The following TRIM31 variants were observed in gnomAD, a reference collection of about 807,000 sequenced individuals.
TRIM31 encodes E3 ubiquitin-protein ligase TRIM31.
A neutral mutation model predicts 40.6 loss-of-function variants in TRIM31; 31 were observed. The observed-to-expected ratio is 0.76, with a 90% confidence interval of 0.57 to 1.03. The LOEUF is 1.03. TRIM31 is among the 50% of genes least tolerant of loss of function. The pLI is 0.00. For missense variants in TRIM31, 455 were observed against 497.5 expected, an observed-to-expected ratio of 0.91 and a Z score of 0.81; for synonymous variants, 164 against 193.9, an observed-to-expected ratio of 0.85 and a Z score of 1.28.
intron 5 of TRIM31, 49 bp downstream of exon 5, chr6:30,108,977 T>G: frequency 1.3e-6 from 2 of 1,593,570 alleles, no homozygotes; most frequent in Non-Finnish European, 1.7e-6. Context: ...CTGAGAATTG[T>G]GTGTGGATGA....
chr6:30,104,261 C>G, intron 7 of TRIM31, 94 bp from the exon 8 acceptor site: 2 of 1,283,812 alleles, frequency 1.6e-6, no homozygotes, highest in Non-Finnish European at 2.2e-6. Flanking sequence ...TCAATCAGAA[C>G]AGTCAATGGT....
intron 7 of TRIM31, 30 bp downstream of exon 7, chr6:30,105,138 A>C: frequency 1.3e-6 from 2 of 1,598,550 alleles, no homozygotes; most frequent in Non-Finnish European, 1.7e-6. Flanking sequence ...CCCAAATGGC[A>C]GAAGCAACCA....
Position 30,112,562 on chromosome 6 carries a change from G to C in TRIM31, c.244C>G (p.Gln82Glu), listed in dbSNP as rs778273573. Residue 82 changes from glutamine to glutamate, a missense_variant, in exon 2 of 9, where the codon CAA becomes GAA. By Grantham distance (29) the Gln-to-Glu change is conservative. Transcript: ENST00000376734. ...RNLVEKIQAL[Q>E]ASEVQSKRKE... ...CTTTTGGACTGCACCTCAGAGGCTT[G>C]TAGAGCTTGGATTTTCTCCACCAGA... The C allele has an allele frequency of 1.2e-6, 2 of 1,612,948 alleles. No homozygotes were observed. Among genetic ancestry groups the C allele is most frequent in the Admixed American group, 1.7e-5 (1 of 60,012 alleles).
At chr6:30,109,327 A>T (rs74295267) in intron 4 of TRIM31, among the ~76,000 whole-genome samples, 6,523 of 140,374 alleles carry the variant, frequency 0.046, 253 homozygotes, top group African/African-American at 0.1. Context: ...AGACTGAACA[A>T]GGGAGCCTGC....
chr6:30,111,570 T>G, intron 3 of TRIM31, 78 bp downstream of exon 3: 1 of 1,398,402 alleles, frequency 7.2e-7, no homozygotes, highest in Non-Finnish European at 1.0e-6. Flanking sequence ...TTCTGAGGGG[T>G]CAGTGTAATA....
Position 30,110,601 on chromosome 6 carries a change from ATTC to A in TRIM31, c.588_590del (p.Lys196del). ...GCCAGTAAATCCGTGATAGCAGGAA[ATTC>A]TTCTCCTCCTCTAGGACTTGATGCA... On this transcript the variant is annotated inframe_deletion, in exon 4 of 9. Coordinates refer to ENST00000376734, the MANE Select transcript of TRIM31 (RefSeq NM_007028.5). 7 of 1,614,188 alleles carry A rather than the reference ATTC, an allele frequency of 4.3e-6. No homozygotes were observed. Among genetic ancestry groups the A allele is most frequent in the Non-Finnish European group, 5.9e-6 (7 of 1,180,030 alleles).
In TRIM31 at chr6:30,105,153, TC is replaced by T. The variant is rs1477149933; in HGVS notation, c.958+14del. 1 of 1,609,478 alleles carries T rather than the reference TC, an allele frequency of 6.2e-7. No homozygotes were observed. The highest frequency in any genetic ancestry group is 1.3e-5 in the African/African-American group (1 of 74,798). On this transcript the variant is annotated intron_variant, in intron 7 of 8. Transcript: ENST00000376734. ...CCCAAATGGCAGAAGCAACCAACCA[TC>T]ATTTCTCACTTACAGCTCTTCATGT... is the stretch of plus-strand genomic sequence containing the variant.
chr6:30,105,731 A>G (rs907960686), intron 6 of TRIM31: 1 of 153,798 alleles, frequency 6.5e-6, no homozygotes, highest in Non-Finnish European at 1.4e-5. Flanking sequence ...AGTGCCTGTC[A>G]GCACATGTGG....
chr6:30,111,612 C>G (rs1270039813), intron 3 of TRIM31, 36 bp downstream of exon 3: 1 of 1,599,810 alleles, frequency 6.3e-7, no homozygotes, highest in Admixed American at 1.7e-5. Flanking sequence ...AGAGATGTTT[C>G]TGCTTCCAGA....
At chr6:30,106,484 T>A (rs747177255) in intron 6 of TRIM31, among the ~76,000 whole-genome samples, 50 of 152,132 alleles carry the variant, frequency 3.3e-4, no homozygotes, top group Non-Finnish European at 4.1e-4. Flanking sequence ...CTGTGGAGAT[T>A]GGACCTGTGG....
At position 30,112,466 on chromosome 6, in the gene TRIM31, A is replaced by C. The variant is rs1222753848; in HGVS notation, c.340T>G (p.Cys114Gly). 1.2e-6 allele frequency: 2 copies of C among 1,613,138 alleles called. No individual in the cohort carries two copies. Among genetic ancestry groups the C allele is most frequent in the South Asian group, 2.2e-5 (2 of 91,086 alleles). The change falls in exon 2 of 9, where the codon TGT becomes GGT. Residue 114 changes from cysteine to glycine, a missense_variant. Cys to Gly is a radical substitution (Grantham distance 159, BLOSUM62 -3). Coordinates refer to ENST00000376734, the MANE Select transcript of TRIM31 (RefSeq NM_007028.5). ...YFCEDDGKFL[C>G]FVCRESKDHK... ...TCCTTGGATTCACGACACACAAAACAGAGGAACTTCCCATCATCCTCGCAG... is the reference window on the plus strand; with the variant it reads ...TCCTTGGATTCACGACACACAAAACCGAGGAACTTCCCATCATCCTCGCAG...
intron 1 of TRIM31, 76 bp from the exon 2 acceptor site, chr6:30,112,964 G>A (rs2127396034): frequency 1.0e-5 from 6 of 578,406 alleles, no homozygotes; most frequent in African/African-American, 1.9e-5. Flanking sequence ...AGAGAGAGAG[G>A]AAAAGAAGAG....
chr6:30,110,412 G>T (rs1167651889), intron 4 of TRIM31, 36 bp downstream of exon 4: 27 of 1,601,194 alleles, frequency 1.7e-5, no homozygotes, highest in Non-Finnish European at 2.0e-5. Context: ...GGGATGGGCT[G>T]CTACCTCTCT....
In TRIM31 at chr6:30,110,354, G is replaced by T. The variant is rs115518750; in HGVS notation, c.744+94C>A. ...ACTGGGCTAGAGGTAGGATGGTTGGGGCAATCTCAGGTATTCTGCCAGTGG... is the reference window on the plus strand; with the variant it reads ...ACTGGGCTAGAGGTAGGATGGTTGGTGCAATCTCAGGTATTCTGCCAGTGG... On this transcript the variant is annotated intron_variant, in intron 4 of 8. Coordinates refer to ENST00000376734, the MANE Select transcript of TRIM31 (RefSeq NM_007028.5). The T allele has an allele frequency of 3.3e-3, 4,086 of 1,230,454 alleles. 46 individuals are homozygous for T. Among genetic ancestry groups the T allele is most frequent in the African/African-American group, 0.032 (2,184 of 67,580 alleles). 76.2% of individuals were successfully genotyped at this position (1,230,454 alleles called of 1,614,324 possible).
At chr6:30,108,871 T>A (rs936850889) in intron 5 of TRIM31, 155 bp downstream of exon 5, 1 of 793,352 alleles carries the variant, frequency 1.3e-6, no homozygotes, top group Non-Finnish European at 2.2e-6. Flanking sequence ...ATGGTTGGCA[T>A]AGGCATTCCC....
rs1769449967 is a variant in TRIM31, at chr6:30,112,512, G to C, written c.294C>G (p.His98Gln). The change falls in exon 2 of 9, where the codon CAC becomes CAG. Residue 98 changes from histidine to glutamine, a missense_variant. Physicochemically the swap from His to Gln is conservative, Grantham distance 24. Transcript: ENST00000376734. ...CGCAGAAATAGTGGAACATCTCCTG[G>C]TGCCTCGGGCATGTAGCCTCTTTCC... ...SKRKEATCPRHQEMFHYFCED... is the reference protein window; with the variant it reads ...SKRKEATCPRQQEMFHYFCED... 6.2e-7 allele frequency: 1 copy of C among 1,613,118 alleles called. No individual in the cohort carries two copies. Among genetic ancestry groups the C allele is most frequent in the Non-Finnish European group, 8.5e-7 (1 of 1,180,048 alleles).
chr6:30,109,133 G>A, intron 4 of TRIM31, 85 bp from the exon 5 acceptor site: 3 of 1,419,844 alleles, frequency 2.1e-6, no homozygotes, highest in Admixed American at 1.7e-5. Flanking sequence ...TGCTGGGTGT[G>A]GGGCAGAGCA....
In TRIM31 at chr6:30,105,163, C is replaced by T. The variant is rs1768550920; in HGVS notation, c.958+5G>A. ...AGAAGCAACCAACCATCATTTCTCACTTACAGCTCTTCATGTCATTTTTAT... is the reference window on the plus strand; with the variant it reads ...AGAAGCAACCAACCATCATTTCTCATTTACAGCTCTTCATGTCATTTTTAT... On this transcript the variant is annotated splice_donor_5th_base_variant and intron_variant, in intron 7 of 8. Transcript: ENST00000376734. The T allele has an allele frequency of 6.2e-7, 1 of 1,611,778 alleles. No homozygotes were observed. The highest frequency in any genetic ancestry group is 1.1e-5 in the South Asian group (1 of 90,804).
At chr6:30,106,417 G>A (rs1271025072) in intron 6 of TRIM31, among the ~76,000 whole-genome samples, 6 of 152,114 alleles carry the variant, frequency 3.9e-5, no homozygotes, top group Admixed American at 6.5e-5. Flanking sequence ...CCTTCTCCAC[G>A]TACGTGTTCC....
Sources: gnomAD v4.1 joint callset for allele counts (sites outside exome capture counted in the v4.1 genomes callset) on GRCh38, gnomAD v4.1.1 for gene constraint, MANE v1.5 for transcripts, NCBI Gene and HGNC (gene_info 2026-07-23, HGNC 2026-07-21) for gene names.